MAGI2: variants seen among roughly 807,000 people sequenced by gnomAD.
The protein encoded by MAGI2 is membrane-associated guanylate kinase, WW and PDZ domain-containing protein 2.
A neutral mutation model predicts 133.3 loss-of-function variants in MAGI2; 35 were observed. That is an observed-to-expected ratio of 0.26 (90% confidence interval 0.20 to 0.35). The LOEUF is 0.35. Ranked by LOEUF, MAGI2 falls within the 10% of genes least tolerant of loss-of-function variation. The pLI is 1.00. For synonymous variants in MAGI2, 729 were observed against 710.6 expected (o/e 1.03, Z -0.41); for missense variants, 1,636 against 1,863.4 (o/e 0.88, Z 2.25).
chr7:79,336,113 G>A (rs1271736936), intron 1 of MAGI2, among the ~76,000 whole-genome samples: 1 of 152,052 alleles, frequency 6.6e-6, no homozygotes, highest in Non-Finnish European at 1.5e-5. Context: ...AATTGTTATA[G>A]CAATAGCTAA....
intron 3 of MAGI2, among the ~76,000 whole-genome samples, chr7:78,564,783 CTTTTTTTTTTTTTTTTT>C (rs35069216): frequency 1.6e-5 from 1 of 64,318 alleles, no homozygotes; most frequent in Non-Finnish European, 2.8e-5. Context: ...CTTTGACATT[CTTTTTTTTTTTTTTTTT>C]TTTTTTTTTT....
intron 3 of MAGI2, among the ~76,000 whole-genome samples, chr7:78,560,977 G>A (rs1394079943): frequency 2.0e-5 from 3 of 152,204 alleles, no homozygotes; most frequent in African/African-American, 7.2e-5. Flanking sequence ...GAGAAAGGTA[G>A]AGGTGGTAAT....
At chr7:79,362,342 A>C (rs984659194) in intron 1 of MAGI2, among the ~76,000 whole-genome samples, 2 of 152,116 alleles carry the variant, frequency 1.3e-5, no homozygotes, top group Non-Finnish European at 2.9e-5. Flanking sequence ...GGACAATCTG[A>C]AAACTCTCAT....
chr7:78,048,689 G>A (rs1323232494), intron 21 of MAGI2, among the ~76,000 whole-genome samples: 5 of 152,082 alleles, frequency 3.3e-5, no homozygotes, highest in African/African-American at 1.2e-4. Context: ...TCAGGGAAGT[G>A]GTTTGTCCCA....
At chr7:78,212,036 T>C (rs773900100) in intron 10 of MAGI2, among the ~76,000 whole-genome samples, 1 of 152,256 alleles carries the variant, frequency 6.6e-6, no homozygotes, top group Non-Finnish European at 1.5e-5. Context: ...TTTTATGAAT[T>C]GCTTCTAACT....
intron 15 of MAGI2, among the ~76,000 whole-genome samples, chr7:78,166,726 T>C (rs1825655929): frequency 6.6e-6 from 1 of 152,214 alleles, no homozygotes; most frequent in African/African-American, 2.4e-5. Context: ...GGTCCTCTTC[T>C]AGAATGCAAC....
intron 1 of MAGI2, among the ~76,000 whole-genome samples, chr7:79,159,449 A>G: frequency 6.6e-6 from 1 of 151,104 alleles, no homozygotes; most frequent in Non-Finnish European, 1.5e-5. Flanking sequence ...CCCAGGAGAC[A>G]GAGGTTGCGG....
chr7:78,788,623 A>G lies in MAGI2; in HGVS notation c.419-161384T>C, dbSNP rs1370677993. On this transcript the variant is annotated intron_variant, in intron 2 of 21. Transcript: ENST00000354212. ...CTGAGTATAATTTAGTTTAACGTAT[A>G]TGACTCACAGATGTGCAATCCAGTT... 2.6e-5 allele frequency among the ~76,000 whole-genome samples: 4 copies of G among 151,514 alleles called. No homozygotes were observed. In the East Asian group the frequency reaches 7.7e-4, roughly 29 times the overall value.
chr7:79,125,248 G>A, intron 1 of MAGI2: 1 of 441,626 alleles, frequency 2.3e-6, no homozygotes, highest in East Asian at 5.5e-5. Context: ...ACTGTGAATG[G>A]CTACAACTGT....
intron 16 of MAGI2, among the ~76,000 whole-genome samples, chr7:78,138,654 C>T (rs953883575): frequency 1.1e-4 from 17 of 151,886 alleles, no homozygotes; most frequent in South Asian, 2.1e-4. Flanking sequence ...CACACACACA[C>T]ACACACACAC....
At chr7:79,284,623 C>T (rs894790208) in intron 1 of MAGI2, among the ~76,000 whole-genome samples, 8 of 151,926 alleles carry the variant, frequency 5.3e-5, no homozygotes, top group African/African-American at 9.7e-5. Context: ...TAAAATTATT[C>T]GATTTCAATA....
chr7:78,053,482 C>G (rs1812235453), intron 21 of MAGI2, among the ~76,000 whole-genome samples: 1 of 152,210 alleles, frequency 6.6e-6, no homozygotes, highest in African/African-American at 2.4e-5. Flanking sequence ...GACAGACTGG[C>G]TATGCTCCTG....
chr7:79,181,282 CT>C (rs1459292287), intron 1 of MAGI2, among the ~76,000 whole-genome samples: 1 of 151,980 alleles, frequency 6.6e-6, no homozygotes, highest in Non-Finnish European at 1.5e-5. Context: ...AAACTTCTGC[CT>C]GGGCATCCAA....
chr7:78,775,562 A>G (rs1825929008), intron 2 of MAGI2, among the ~76,000 whole-genome samples: 1 of 151,950 alleles, frequency 6.6e-6, no homozygotes, highest in African/African-American at 2.4e-5. Context: ...TTCTCTATCT[A>G]TACTTTATCT....
chr7:78,676,980 C>T (rs919668003), intron 2 of MAGI2, among the ~76,000 whole-genome samples: 10 of 152,106 alleles, frequency 6.6e-5, no homozygotes, highest in Non-Finnish European at 1.2e-4. Flanking sequence ...AGGCTGTTAT[C>T]CTAACTGTTT....
chr7:78,852,387 T>C (rs1745876411), intron 2 of MAGI2, among the ~76,000 whole-genome samples: 1 of 152,132 alleles, frequency 6.6e-6, no homozygotes, highest in South Asian at 2.1e-4. Context: ...TTAAGTTTTA[T>C]ATAGTTTTGT....
chr7:78,419,038 C>A (rs1413159583), intron 6 of MAGI2, among the ~76,000 whole-genome samples: 7 of 152,100 alleles, frequency 4.6e-5, no homozygotes, highest in Non-Finnish European at 1.0e-4. Flanking sequence ...TTAGGCTATA[C>A]ATAAACTCAG....
chr7:78,582,166 CT>C (rs1802902762), intron 3 of MAGI2, among the ~76,000 whole-genome samples: 1 of 152,152 alleles, frequency 6.6e-6, no homozygotes, highest in Non-Finnish European at 1.5e-5. Context: ...CAGTTTTCTG[CT>C]TAGTTCAGCA....
At chr7:78,161,489 T>A (rs1380401871) in intron 15 of MAGI2, among the ~76,000 whole-genome samples, 1 of 151,846 alleles carries the variant, frequency 6.6e-6, no homozygotes, top group Non-Finnish European at 1.5e-5. Context: ...CCATTTTGGG[T>A]CCCTAGGTAT....
Sources: allele counts gnomAD v4.1 joint callset (sites outside exome capture counted in the v4.1 genomes callset), GRCh38; gene constraint gnomAD v4.1.1; transcripts MANE v1.5; gene names NCBI Gene and HGNC (gene_info 2026-07-23, HGNC 2026-07-21).